Variants in GOLGA4 observed in about 807,000 individuals in gnomAD.
The protein encoded by GOLGA4 is golgin subfamily A member 4.
GOLGA4 carries 169 observed loss-of-function variants against 265.9 expected under a neutral mutation model. The ratio of observed to expected loss-of-function variants is 0.64; its 90% CI spans 0.56 to 0.72. GOLGA4 has a LOEUF of 0.72. GOLGA4 is among the 30% of genes least tolerant of loss of function. The pLI is 0.00. For missense variants in GOLGA4, 2,482 were observed against 2,483.4 expected (o/e 1.00, Z 0.01); for synonymous variants, 923 against 855.8 (o/e 1.08, Z -1.37).
chr3:37,298,477 A>C (rs1454782976), intron 7 of GOLGA4, among the ~76,000 whole-genome samples: 1 of 152,220 alleles, frequency 6.6e-6, no homozygotes, highest in African/African-American at 2.4e-5. Context: ...CAGTGATATT[A>C]GGAGCAGTTT....
chr3:37,304,712 A>G (rs541013844), intron 10 of GOLGA4, among the ~76,000 whole-genome samples: 1 of 152,340 alleles, frequency 6.6e-6, no homozygotes, highest in East Asian at 1.9e-4. Context: ...TAAATGATGA[A>G]AAGGTAGACA....
chr3:37,292,244 A>G (rs1452310292), intron 5 of GOLGA4, among the ~76,000 whole-genome samples: 19 of 152,206 alleles, frequency 1.2e-4, no homozygotes, highest in Admixed American at 1.2e-3. Context: ...GTTGTAGGAA[A>G]TTATTTGGAA....
chr3:37,326,988 C>T lies in GOLGA4; in HGVS notation c.5102C>T (p.Ser1701Leu), dbSNP rs2150971027. Residue 1701 changes from serine to leucine, a missense_variant, in exon 14 of 24, where the codon TCA becomes TTA. By Grantham distance (145) the Ser-to-Leu change is moderately radical (BLOSUM62 -2). This residue lies in a region of GOLGA4 where 942 missense variants were observed against 983.1 expected (regional missense o/e 0.96). Coordinates refer to ENST00000361924, the MANE Select transcript of GOLGA4 (RefSeq NM_002078.5). ...LEEKLKSVESSQSETLIVPRS... is the reference protein window; with the variant it reads ...LEEKLKSVESLQSETLIVPRS... ...GAAAAACTTAAGTCAGTGGAAAGTT[C>T]ACAGTCAGAAACATTAATTGTACCC... 1 of 1,613,798 alleles carries T rather than the reference C, an allele frequency of 6.2e-7. No homozygotes were observed. Among genetic ancestry groups the T allele is most frequent in the East Asian group, 2.2e-5 (1 of 44,864 alleles).
chr3:37,307,517 A>G (rs1313014203), intron 10 of GOLGA4, among the ~76,000 whole-genome samples: 4 of 152,194 alleles, frequency 2.6e-5, no homozygotes, highest in Admixed American at 6.5e-5. Flanking sequence ...CCAATAAGTG[A>G]ATCATGGTGC....
Position 37,325,801 on chromosome 3 carries a change from A to G in GOLGA4, c.3915A>G (p.Gln1305=), listed in dbSNP as rs767514016. 2 of 1,613,214 alleles carry G rather than the reference A, an allele frequency of 1.2e-6. No homozygotes were observed. The highest frequency in any genetic ancestry group is 2.2e-5 in the South Asian group (2 of 91,020). Residue 1305 remains glutamine, a synonymous_variant, in exon 14 of 24, where the codon CAA becomes CAG. Transcript: ENST00000361924. Reference sequence around the variant, plus strand: ...ATCAGTTAGAAGAAAAAGAAAATCAAATTAAGAGCATGAAGGCTGATATTG... The same window carrying G: ...ATCAGTTAGAAGAAAAAGAAAATCAGATTAAGAGCATGAAGGCTGATATTG... ...ATHQLEEKEN[Q]IKSMKADIES...
chr3:37,311,040 G>C (rs1388837011), intron 10 of GOLGA4, among the ~76,000 whole-genome samples: 2 of 152,102 alleles, frequency 1.3e-5, no homozygotes, highest in Non-Finnish European at 2.9e-5. Flanking sequence ...GGAAAGGGTA[G>C]GGAATTCACT....
intron 11 of GOLGA4, among the ~76,000 whole-genome samples, chr3:37,317,736 T>C (rs2096941899): frequency 6.6e-6 from 1 of 152,162 alleles, no homozygotes; most frequent in Non-Finnish European, 1.5e-5. Context: ...ATAAATATTT[T>C]TTTCTATTTA....
At chr3:37,335,862 C>T (rs915648013) in intron 17 of GOLGA4, among the ~76,000 whole-genome samples, 5 of 151,938 alleles carry the variant, frequency 3.3e-5, no homozygotes, top group Non-Finnish European at 7.4e-5. Context: ...CAGCAGCACA[C>T]ACCCACAGTT....
chr3:37,248,683 A>G (rs1183376365), intron 1 of GOLGA4, among the ~76,000 whole-genome samples: 1 of 152,132 alleles, frequency 6.6e-6, no homozygotes, highest in Non-Finnish European at 1.5e-5. Context: ...TTCTAGGGAG[A>G]GTATGTTTTA....
At chr3:37,315,742 A>T in intron 11 of GOLGA4, 144 bp downstream of exon 11, 1 of 715,890 alleles carries the variant, frequency 1.4e-6, no homozygotes, top group Non-Finnish European at 2.4e-6. Flanking sequence ...AAAATTTTTG[A>T]TAGATAAATG....
intron 20 of GOLGA4, chr3:37,341,527 C>A: frequency 6.6e-6 from 1 of 152,166 alleles, no homozygotes. Flanking sequence ...TGGAGCTCCT[C>A]AAAAAGAAGT....
At chr3:37,289,364 G>C in intron 5 of GOLGA4, 73 bp downstream of exon 5, 1 of 958,122 alleles carries the variant, frequency 1.0e-6, no homozygotes, top group Non-Finnish European at 1.6e-6. Flanking sequence ...GTATGTGCTA[G>C]GGTAGTTTCA....
intron 18 of GOLGA4, 41 bp from the exon 19 acceptor site, chr3:37,337,625 A>T: frequency 7.3e-7 from 1 of 1,365,482 alleles, no homozygotes; most frequent in Non-Finnish European, 1.0e-6. Flanking sequence ...GGCAATAATG[A>T]AACCTATGTG....
At chr3:37,363,076 C>G (rs1304229670) in intron 23 of GOLGA4, among the ~76,000 whole-genome samples, 1 of 152,112 alleles carries the variant, frequency 6.6e-6, no homozygotes, top group Non-Finnish European at 1.5e-5. Context: ...GCCACTGTGC[C>G]TGGCCCTCTA....
rs899364566 is a variant in GOLGA4, at chr3:37,302,351, C to G, written c.1234+19C>G. ...AGAGCTGGTAAGAACTTGAGGGTTA[C>G]TTGTTTTATGTTGGAACTCAAAAGT... On this transcript the variant is annotated intron_variant, in intron 10 of 23. Coordinates refer to ENST00000361924, the MANE Select transcript of GOLGA4 (RefSeq NM_002078.5). 1.2e-6 allele frequency: 2 copies of G among 1,602,000 alleles called. No individual in the cohort carries two copies. The highest frequency in any genetic ancestry group is 2.7e-5 in the African/African-American group (2 of 74,254).
intron 8 of GOLGA4, 129 bp from the exon 9 acceptor site, chr3:37,299,159 C>T: frequency 7.7e-6 from 7 of 908,130 alleles, no homozygotes; most frequent in Non-Finnish European, 1.2e-5. Context: ...TAACACCAAA[C>T]CTTGAGACTT....
chr3:37,327,409 C>T lies in GOLGA4; in HGVS notation c.5523C>T (p.Thr1841=), dbSNP rs771052787. 5.6e-6 allele frequency: 9 copies of T among 1,613,704 alleles called. No individual in the cohort carries two copies. In the Admixed American group the frequency reaches 1.2e-4, roughly 21 times the overall value. The stretch of plus-strand genomic sequence containing the variant: ...ATGTGTTTGACGACGTCCAGAAAAC[C>T]CTCCAGGAGAAGGAACTAACCTGTC... ...LENVFDDVQK[T]LQEKELTCQI... Residue 1841 remains threonine (T), a synonymous_variant, in exon 14 of 24, where the codon ACC becomes ACT. Coordinates refer to ENST00000361924, the MANE Select transcript of GOLGA4 (RefSeq NM_002078.5).
intron 10 of GOLGA4, among the ~76,000 whole-genome samples, chr3:37,315,074 A>T (rs1175279890): frequency 1.3e-5 from 2 of 152,248 alleles, no homozygotes; most frequent in Non-Finnish European, 2.9e-5. Context: ...ATTATACAGT[A>T]CAGAAATAGG....
chr3:37,363,926 A>G lies in GOLGA4; in HGVS notation c.*34-2154A>G, dbSNP rs112724940. Among the ~76,000 whole-genome samples, 369 of 152,304 alleles carry G rather than the reference A, an allele frequency of 2.4e-3. 4 individuals carry two copies. The highest frequency in any genetic ancestry group is 8.3e-3 in the African/African-American group (347 of 41,574). Reference sequence around the variant, plus strand: ...ACTGATCTTGAATTTTGTTTCCCACAACAGATCAAGCTACGGTTTCAAAAT... The same window carrying G: ...ACTGATCTTGAATTTTGTTTCCCACGACAGATCAAGCTACGGTTTCAAAAT... On this transcript the variant is annotated intron_variant, in intron 23 of 23. Coordinates refer to ENST00000361924, the MANE Select transcript of GOLGA4 (RefSeq NM_002078.5).
Sources: gnomAD v4.1 joint callset for allele counts (sites outside exome capture counted in the v4.1 genomes callset) on GRCh38, gnomAD v4.1.1 for gene constraint, gnomAD v4.1.1 regional missense constraint, MANE v1.5 for transcripts, NCBI Gene and HGNC (gene_info 2026-07-23, HGNC 2026-07-21) for gene names.